The following JAZF1 variants were observed in gnomAD, a reference collection of about 807,000 sequenced individuals.
The protein encoded by JAZF1 is JAZF zinc finger 1, also known as juxtaposed with another zinc finger protein 1.
JAZF1 carries 8 observed loss-of-function variants against 26.4 expected under a neutral mutation model. That is an observed-to-expected ratio of 0.30 (90% confidence interval 0.18 to 0.55). The LOEUF is 0.55. Among genes scored for constraint, JAZF1 ranks in the 20% least tolerant of loss-of-function variants. The pLI is 0.94. For missense variants in JAZF1, 199 were observed against 322.0 expected, an observed-to-expected ratio of 0.62 and a Z score of 2.92; for synonymous variants, 126 against 122.3, an observed-to-expected ratio of 1.03 and a Z score of -0.20.
At chr7:27,889,193 G>A (rs1278870694) in intron 3 of JAZF1, among the ~76,000 whole-genome samples, 1 of 152,150 alleles carries the variant, frequency 6.6e-6, no homozygotes, top group Non-Finnish European at 1.5e-5. Context: ...AATCAGAGTG[G>A]CTGTGGGTGG....
At chr7:27,930,376 T>G (rs553947177) in intron 2 of JAZF1, among the ~76,000 whole-genome samples, 5 of 152,168 alleles carry the variant, frequency 3.3e-5, no homozygotes, top group Admixed American at 3.3e-4. Flanking sequence ...GTATCTTACA[T>G]GAAAATATAA....
intron 1 of JAZF1, among the ~76,000 whole-genome samples, chr7:28,121,547 G>A (rs988845368): frequency 6.6e-6 from 1 of 152,198 alleles, no homozygotes; most frequent in Non-Finnish European, 1.5e-5. Context: ...ACTCAAGGGG[G>A]AAATGTGTGA....
intron 1 of JAZF1, among the ~76,000 whole-genome samples, chr7:28,036,763 T>G (rs1758848971): frequency 6.6e-6 from 1 of 152,194 alleles, no homozygotes; most frequent in Admixed American, 6.5e-5. Flanking sequence ...GCCTGGGCAC[T>G]CAGGGGTATG....
intron 3 of JAZF1, among the ~76,000 whole-genome samples, chr7:27,891,242 TG>T (rs1489448906): frequency 2.0e-5 from 3 of 152,238 alleles, no homozygotes; most frequent in African/African-American, 7.2e-5. Flanking sequence ...GGCCTGTTTT[TG>T]TACATAAAGT....
At chr7:27,873,717 C>G (rs1783623802) in intron 3 of JAZF1, among the ~76,000 whole-genome samples, 1 of 152,208 alleles carries the variant, frequency 6.6e-6, no homozygotes, top group African/African-American at 2.4e-5. Flanking sequence ...ACCTTGTCTT[C>G]CTCTGTGACT....
intron 1 of JAZF1, among the ~76,000 whole-genome samples, chr7:28,177,588 G>A (rs557221344): frequency 3.3e-5 from 5 of 152,118 alleles, no homozygotes. Flanking sequence ...GCTCACCTAA[G>A]CATATCTCTA....
chr7:28,060,074 A>G (rs1204674157), intron 1 of JAZF1, among the ~76,000 whole-genome samples: 1 of 152,036 alleles, frequency 6.6e-6, no homozygotes, highest in South Asian at 2.1e-4. Flanking sequence ...ATTCAATTTT[A>G]TCTCCTAGCT....
intron 1 of JAZF1, among the ~76,000 whole-genome samples, chr7:28,168,134 G>C (rs1783396237): frequency 6.6e-6 from 1 of 152,130 alleles, no homozygotes; most frequent in African/African-American, 2.4e-5. Flanking sequence ...TGTAATCCCA[G>C]CACTTTGGGA....
intron 1 of JAZF1, among the ~76,000 whole-genome samples, chr7:28,175,550 T>C (rs73091240): frequency 0.074 from 11,249 of 152,274 alleles, 686 homozygotes; most frequent in South Asian, 0.2. Flanking sequence ...GGAGGCATAG[T>C]ACGGTTAATT....
chr7:27,924,009 T>A (rs1384490446), intron 2 of JAZF1, among the ~76,000 whole-genome samples: 3 of 152,156 alleles, frequency 2.0e-5, no homozygotes, highest in African/African-American at 7.2e-5. Context: ...ACCTTTACTG[T>A]ATTCTTGTGG....
intron 1 of JAZF1, among the ~76,000 whole-genome samples, chr7:28,053,022 T>C (rs922079566): frequency 5.9e-5 from 9 of 152,200 alleles, no homozygotes; most frequent in African/African-American, 2.2e-4. Context: ...TTTTCTACTT[T>C]GTTGCTATGA....
intron 3 of JAZF1, among the ~76,000 whole-genome samples, chr7:27,888,061 G>A (rs1469768645): frequency 2.6e-5 from 4 of 152,160 alleles, no homozygotes; most frequent in East Asian, 3.8e-4. Flanking sequence ...GAACACAGGC[G>A]GAGAATATAG....
chr7:28,020,437 A>G (rs1782983982), intron 1 of JAZF1: 10 of 377,170 alleles, frequency 2.7e-5, no homozygotes, highest in South Asian at 2.0e-4. Context: ...GAAACAAACG[A>G]GGAGAGCCAG....
intron 2 of JAZF1, among the ~76,000 whole-genome samples, chr7:27,929,130 A>C (rs1427321723): frequency 6.6e-6 from 1 of 152,204 alleles, no homozygotes; most frequent in Non-Finnish European, 1.5e-5. Flanking sequence ...CTCCTCTTCA[A>C]AACTAATAAA....
intron 1 of JAZF1, among the ~76,000 whole-genome samples, chr7:28,117,625 C>T (rs1784767640): frequency 6.6e-6 from 1 of 152,142 alleles, no homozygotes; most frequent in East Asian, 1.9e-4. Context: ...ATGGAAAACA[C>T]AATTTTAAAT....
intron 3 of JAZF1, among the ~76,000 whole-genome samples, chr7:27,863,270 G>A (rs1279149933): frequency 6.6e-6 from 1 of 152,052 alleles, no homozygotes; most frequent in Non-Finnish European, 1.5e-5. Context: ...CATCTGGCTG[G>A]GGTCCCTTTG....
At chr7:28,137,141 G>A (rs1285682636) in intron 1 of JAZF1, among the ~76,000 whole-genome samples, 4 of 152,200 alleles carry the variant, frequency 2.6e-5, no homozygotes, top group African/African-American at 9.7e-5. Flanking sequence ...GGTAGGGACT[G>A]AGACTCAGAA....
At chr7:27,859,932 T>C (rs903021228) in intron 3 of JAZF1, among the ~76,000 whole-genome samples, 7 of 152,204 alleles carry the variant, frequency 4.6e-5, no homozygotes, top group African/African-American at 1.7e-4. Context: ...ATTGTACAAG[T>C]GCACGACAGT....
chr7:28,080,239 C>G (rs1249683316), intron 1 of JAZF1, among the ~76,000 whole-genome samples: 1 of 152,186 alleles, frequency 6.6e-6, no homozygotes, highest in Non-Finnish European at 1.5e-5. Context: ...TCTGCAGCTT[C>G]CTCACCTCAC....
Sources: gnomAD v4.1 joint callset for allele counts (sites outside exome capture counted in the v4.1 genomes callset) on GRCh38, gnomAD v4.1.1 for gene constraint, MANE v1.5 for transcripts, NCBI Gene and HGNC (gene_info 2026-07-23, HGNC 2026-07-21) for gene names.